ZNF559: variants seen among roughly 807,000 people sequenced by gnomAD.
The protein encoded by ZNF559 is zinc finger protein 559, also known as putative protein product of Nbla00121.
A neutral mutation model predicts 14.2 loss-of-function variants in ZNF559; 17 were observed. The observed-to-expected ratio is 1.20, with a 90% CI of 0.82 to 1.80. The LOEUF (loss-of-function observed/expected upper bound fraction) is 1.80. ZNF559 is among the 40% of genes most tolerant of loss of function. ZNF559 has a pLI of 0.00. For synonymous variants in ZNF559, 244 were observed against 212.4 expected (o/e 1.15, Z -1.29); for missense variants, 740 against 629.7 (o/e 1.18, Z -1.88).
At position 9,344,519 on chromosome 19, in the gene ZNF559, CTAT is replaced by C. The variant is rs2067689218; in HGVS notation, c.*1452_*1454del. On this transcript the variant is annotated 3_prime_UTR_variant, in exon 7 of 7. Transcript: ENST00000603380. ...ATTAACTGGGTGTACTGGTTTGTGC[CTAT>C]AGTCCCAGCTATTTAGGAGGCTGGG... 1 of 152,076 alleles carries C rather than the reference CTAT, an allele frequency of 6.6e-6. No homozygotes were observed. 9.4% of individuals were successfully genotyped at this position (152,076 alleles called of 1,614,324 possible). A position where few individuals can be genotyped will look rare whatever the true frequency, so the allele number is the denominator to read the frequency against.
At position 9,333,751 on chromosome 19, in the gene ZNF559, CAAAA is replaced by C. The variant is rs59926460; in HGVS notation, c.-119-4037_-119-4034del. Among the ~76,000 whole-genome samples the C allele has an allele frequency of 2.9e-5, 4 of 136,608 alleles. No individual in the cohort carries two copies. In the East Asian group the frequency reaches 9.1e-4, roughly 31 times the overall value. 89.6% of individuals were successfully genotyped at this position (136,608 alleles called of 152,430 possible). ...AGATAATTCCTACGTATGTAACTGACAAAAAAAAAAAGGCTAATATCCAAAATAC... is the reference window on the plus strand; with the variant it reads ...AGATAATTCCTACGTATGTAACTGACAAAAAAAGGCTAATATCCAAAATAC... On this transcript the variant is annotated intron_variant, in intron 2 of 6. Coordinates refer to ENST00000603380, the MANE Select transcript of ZNF559 (RefSeq NM_032497.3).
chr19:9,334,737 C>G (rs2067134132), intron 2 of ZNF559, among the ~76,000 whole-genome samples: 1 of 151,918 alleles, frequency 6.6e-6, no homozygotes, highest in Non-Finnish European at 1.5e-5. Flanking sequence ...AAGAGATTAG[C>G]AAAATGAGTA....
chr19:9,342,839 G>A lies in ZNF559; in HGVS notation c.1388G>A (p.Arg463Lys). Residue 463 changes from arginine to lysine, a missense_variant, in exon 7 of 7, where the codon AGG becomes AAG. Transcript: ENST00000603380. The stretch of plus-strand genomic sequence containing the variant: ...CATAAAAGAATACATACAGGGGAGA[G>A]GCCATATAAATGTCAAAAGTGTGGG... Reference protein sequence around the residue: ...SQHKRIHTGERPYKCQKCGQA... With the variant: ...SQHKRIHTGEKPYKCQKCGQA... 6.2e-7 allele frequency: 1 copy of A among 1,613,138 alleles called. No homozygotes were observed. The highest frequency in any genetic ancestry group is 8.5e-7 in the Non-Finnish European group (1 of 1,179,858).
intron 2 of ZNF559, among the ~76,000 whole-genome samples, chr19:9,324,994 T>A (rs906240703): frequency 1.3e-5 from 2 of 152,200 alleles, no homozygotes; most frequent in Non-Finnish European, 2.9e-5. Flanking sequence ...ATCACCTAGA[T>A]CTCACTCTAG....
At position 9,342,525 on chromosome 19, in the gene ZNF559, T is replaced by G; in HGVS notation, c.1074T>G (p.Cys358Trp). The G allele has an allele frequency of 1.9e-6, 3 of 1,614,108 alleles. No individual in the cohort carries two copies. Among genetic ancestry groups the G allele is most frequent in the Non-Finnish European group, 2.5e-6 (3 of 1,180,018 alleles). The change falls in exon 7 of 7, where the codon TGT (cysteine) becomes TGG (tryptophan). Residue 358 changes from cysteine to tryptophan, a missense_variant. Coordinates refer to ENST00000603380, the MANE Select transcript of ZNF559 (RefSeq NM_032497.3). ...AAAAGCCTTATGAATGTAAGGAATG[T>G]GGGAAAGCTTTTGCTAACTCTTCAC... is the stretch of plus-strand genomic sequence containing the variant. ...TGEKPYECKE[C>W]GKAFANSSHL...
intron 6 of ZNF559, 181 bp downstream of exon 6, chr19:9,341,365 C>G: frequency 1.3e-6 from 1 of 759,806 alleles, no homozygotes; most frequent in Non-Finnish European, 2.3e-6. Context: ...AAACATCCCT[C>G]AGAATATATT....
At chr19:9,337,634 C>T in intron 2 of ZNF559, 162 bp from the exon 3 acceptor site, 2 of 309,076 alleles carry the variant, frequency 6.5e-6, no homozygotes, top group East Asian at 8.3e-5. Flanking sequence ...TAGGTTTCCT[C>T]AACTAATATG....
Position 9,342,789 on chromosome 19 carries a change from T to C in ZNF559, c.1338T>C (p.Phe446=), listed in dbSNP as rs1384720779. 1 of 1,613,950 alleles carries C rather than the reference T, an allele frequency of 6.2e-7. No individual in the cohort carries two copies. The highest frequency in any genetic ancestry group is 8.5e-7 in the Non-Finnish European group (1 of 1,179,990). The change falls in exon 7 of 7, where the codon TTT becomes TTC. Residue 446 remains phenylalanine, a synonymous_variant. Coordinates refer to ENST00000603380, the MANE Select transcript of ZNF559 (RefSeq NM_032497.3). Reference sequence around the variant, plus strand: ...AATGTGAGGAATGTGGGAAAGCCTTTAGATACTCCTCGCACCTTAGTCAAC... The same window carrying C: ...AATGTGAGGAATGTGGGAAAGCCTTCAGATACTCCTCGCACCTTAGTCAAC... ...PFECEECGKA[F]RYSSHLSQHK...
chr19:9,340,872 A>G (rs1308387938), intron 5 of ZNF559, among the ~76,000 whole-genome samples: 1 of 151,800 alleles, frequency 6.6e-6, no homozygotes, highest in East Asian at 1.9e-4. Context: ...CACCCAGCCT[A>G]GAGAACCGTT....
Position 9,324,693 on chromosome 19 carries a change from A to G in ZNF559, c.-205-2A>G. ...TCCAGCGTTGTGCCTTTTCTCTATA[A>G]GGAACAGCATCTCTGCCTTCCTGTT... is the stretch of plus-strand genomic sequence containing the variant. On this transcript the variant is annotated splice_acceptor_variant, in intron 1 of 6. Transcript: ENST00000603380. LOFTEE classifies it low-confidence loss of function (5UTR_SPLICE). 2 of 1,526,880 alleles carry G rather than the reference A, an allele frequency of 1.3e-6. No homozygotes were observed. The highest frequency in any genetic ancestry group is 1.8e-6 in the Non-Finnish European group (2 of 1,142,694). The allele number at this position is 1,526,880 out of a possible 1,614,324, so 94.6% of individuals were successfully genotyped here. A position where few individuals can be genotyped will look rare whatever the true frequency, so the allele number is the denominator to read the frequency against.
intron 2 of ZNF559, among the ~76,000 whole-genome samples, chr19:9,326,291 G>C (rs568262894): frequency 6.6e-6 from 1 of 151,908 alleles, no homozygotes; most frequent in African/African-American, 2.4e-5. Flanking sequence ...ATTTTTAGTA[G>C]AGACAGGGTT....
Sources: allele counts gnomAD v4.1 joint callset (sites outside exome capture counted in the v4.1 genomes callset), GRCh38; gene constraint gnomAD v4.1.1; transcripts MANE v1.5; gene names NCBI Gene and HGNC (gene_info 2026-07-23, HGNC 2026-07-21).